The following AGBL4 variants were observed in gnomAD, a reference collection of about 807,000 sequenced individuals.
AGBL4 encodes the protein cytosolic carboxypeptidase 6.
In AGBL4, 58 loss-of-function variants were observed where a neutral mutation model predicts 66.4. The ratio of observed to expected loss-of-function variants is 0.87; its 90% CI spans 0.71 to 1.09. The LOEUF (loss-of-function observed/expected upper bound fraction) is 1.09. AGBL4 is among the 50% of genes least tolerant of loss of function. AGBL4 has a pLI of 0.00. For missense variants in AGBL4, 579 were observed against 631.0 expected, an observed-to-expected ratio of 0.92 and a Z score of 0.88; for synonymous variants, 234 against 222.9, an observed-to-expected ratio of 1.05 and a Z score of -0.44.
intron 3 of AGBL4, among the ~76,000 whole-genome samples, chr1:49,412,497 A>C (rs529956623): frequency 5.0e-4 from 76 of 152,266 alleles, no homozygotes; most frequent in South Asian, 3.5e-3. Flanking sequence ...GAGGGAACAA[A>C]CAACCAGTCC....
chr1:49,146,592 A>C (rs2148109905), intron 4 of AGBL4, among the ~76,000 whole-genome samples: 1 of 152,290 alleles, frequency 6.6e-6, no homozygotes, highest in Non-Finnish European at 1.5e-5. Context: ...CCAGGTAGCT[A>C]GCCAGGAGAA....
chr1:49,610,246 C>A (rs1391184382), intron 3 of AGBL4, among the ~76,000 whole-genome samples: 2 of 152,118 alleles, frequency 1.3e-5, no homozygotes, highest in Non-Finnish European at 2.9e-5. Context: ...ATAACCCTAA[C>A]AACTTTGCAT....
chr1:48,656,159 T>C (rs1012820322), intron 7 of AGBL4, among the ~76,000 whole-genome samples: 11 of 152,186 alleles, frequency 7.2e-5, no homozygotes. Context: ...GAAGGAAAAG[T>C]GGTAGAGGAT....
At chr1:48,826,068 T>A (rs1182159480) in intron 6 of AGBL4, among the ~76,000 whole-genome samples, 1 of 152,148 alleles carries the variant, frequency 6.6e-6, no homozygotes, top group East Asian at 1.9e-4. Context: ...GATCCCTTTA[T>A]TGCATTTAAG....
At chr1:48,586,196 T>C (rs1273647838) in intron 11 of AGBL4, 8 of 152,192 alleles carry the variant, frequency 5.3e-5, no homozygotes, top group African/African-American at 9.7e-5. Context: ...CTTAAAAAAT[T>C]AGGCAAACTA....
At chr1:49,831,982 T>A (rs986554738) in intron 2 of AGBL4, among the ~76,000 whole-genome samples, 22 of 134,224 alleles carry the variant, frequency 1.6e-4, no homozygotes, top group Non-Finnish European at 1.5e-4. Flanking sequence ...TGGATAAGCT[T>A]TTTTTTTTTA....
In AGBL4 at chr1:49,007,945, A is replaced by G. The variant is rs1268393584; in HGVS notation, c.594+37639T>C. ...ATCATGCCAAAATGTAAAGACCATC[A>G]AGACTAGGAAGAAACTGCATCAACT... On this transcript the variant is annotated intron_variant, in intron 5 of 13. Coordinates refer to ENST00000371839, the MANE Select transcript of AGBL4 (RefSeq NM_032785.4). Among the ~76,000 whole-genome samples, 21 of 151,994 alleles carry G rather than the reference A, an allele frequency of 1.4e-4. No homozygotes were observed. The East Asian group carries it at 1.9e-3, about 14-fold the overall frequency.
chr1:48,838,249 A>G (rs945775402), intron 6 of AGBL4, among the ~76,000 whole-genome samples: 16 of 152,180 alleles, frequency 1.1e-4, no homozygotes, highest in Non-Finnish European at 1.6e-4. Flanking sequence ...CCTGAGCAAA[A>G]GCACAAAGCT....
chr1:49,629,508 G>A (rs906208196), intron 3 of AGBL4, among the ~76,000 whole-genome samples: 2 of 152,128 alleles, frequency 1.3e-5, no homozygotes, highest in African/African-American at 4.8e-5. Context: ...TACACTTGAG[G>A]ACTGGGTAAA....
chr1:49,766,440 T>C (rs1057395480), intron 2 of AGBL4, among the ~76,000 whole-genome samples: 1 of 152,030 alleles, frequency 6.6e-6, no homozygotes, highest in Non-Finnish European at 1.5e-5. Flanking sequence ...TAAAGGGAGT[T>C]CTAAACCTGG....
chr1:48,713,609 C>G (rs1407382362), intron 6 of AGBL4, among the ~76,000 whole-genome samples: 2 of 152,158 alleles, frequency 1.3e-5, no homozygotes, highest in Non-Finnish European at 2.9e-5. Flanking sequence ...ACTCAGCCCT[C>G]CCTGGAACAG....
chr1:49,003,766 G>T (rs1226938652), intron 5 of AGBL4, among the ~76,000 whole-genome samples: 1 of 152,096 alleles, frequency 6.6e-6, no homozygotes, highest in Non-Finnish European at 1.5e-5. Context: ...GGAGAGCCAG[G>T]TCCATATTTA....
intron 6 of AGBL4, among the ~76,000 whole-genome samples, chr1:48,678,281 A>T (rs1020328174): frequency 6.7e-6 from 1 of 148,242 alleles, no homozygotes; most frequent in Non-Finnish European, 1.5e-5. Context: ...TGCCTTGTGG[A>T]TGTCACTCAG....
chr1:49,939,914 A>C (rs1458223424), intron 1 of AGBL4, among the ~76,000 whole-genome samples: 145 of 152,262 alleles, frequency 9.5e-4, no homozygotes, highest in African/African-American at 3.3e-3. Flanking sequence ...GTGAATAGGC[A>C]ACCTATAAAA....
Position 49,970,754 on chromosome 1 carries a change from A to C in AGBL4, c.34+53009T>G, listed in dbSNP as rs1351685858. 3.0e-3 allele frequency among the ~76,000 whole-genome samples: 150 copies of C among 49,498 alleles called. 1 individual carries two copies. The highest frequency in any genetic ancestry group is 0.014 in the South Asian group (17 of 1,206). The allele number at this position is 49,498 out of a possible 152,430, so 32.5% of individuals were successfully genotyped here. A position where few individuals can be genotyped will look rare whatever the true frequency, so the allele number is the denominator to read the frequency against. On this transcript the variant is annotated intron_variant, in intron 1 of 13. Transcript: ENST00000371839. Reference sequence around the variant, plus strand: ...ACACACACACACACACACATACACAAACAAAAAAAAAAAACAGAACGGTGC... The same window carrying C: ...ACACACACACACACACACATACACACACAAAAAAAAAAAACAGAACGGTGC...
At chr1:48,986,729 C>T (rs1660205162) in intron 5 of AGBL4, among the ~76,000 whole-genome samples, 1 of 152,014 alleles carries the variant, frequency 6.6e-6, no homozygotes, top group African/African-American at 2.4e-5. Flanking sequence ...GTATCTACCA[C>T]ATTAAAAGCA....
chr1:49,828,353 T>C (rs1415883542), intron 2 of AGBL4, among the ~76,000 whole-genome samples: 1 of 152,168 alleles, frequency 6.6e-6, no homozygotes, highest in Non-Finnish European at 1.5e-5. Context: ...ACTGGGTAGC[T>C]GCTTTGGATC....
rs1384760891 is a variant in AGBL4, at chr1:49,579,881, T to C, written c.282+117432A>G. Among the ~76,000 whole-genome samples the C allele has an allele frequency of 2.6e-5, 4 of 152,208 alleles. No homozygotes were observed. In the East Asian group the frequency reaches 5.8e-4, roughly 22 times the overall value. On this transcript the variant is annotated intron_variant, in intron 3 of 13. Transcript: ENST00000371839. ...AGTGTGTCTTTGTTAATTTTCTTGA[T>C]AATCTGTCCAATGCTGTGAGTGGGG...
At chr1:49,017,110 T>C (rs1662880437) in intron 5 of AGBL4, among the ~76,000 whole-genome samples, 1 of 152,190 alleles carries the variant, frequency 6.6e-6, no homozygotes, top group African/African-American at 2.4e-5. Flanking sequence ...CCTTGATCTA[T>C]ATCAGGTCAT....
Sources: gnomAD v4.1 joint callset for allele counts (sites outside exome capture counted in the v4.1 genomes callset) on GRCh38, gnomAD v4.1.1 for gene constraint, MANE v1.5 for transcripts, NCBI Gene and HGNC (gene_info 2026-07-23, HGNC 2026-07-21) for gene names.